Variants in NPHP4 observed in about 807,000 individuals in gnomAD.
The protein encoded by NPHP4 is nephrocystin 4.
In NPHP4, 151 loss-of-function variants were observed where a neutral mutation model predicts 155.8. The observed-to-expected ratio is 0.97, with a 90% CI of 0.85 to 1.11. The LOEUF (loss-of-function observed/expected upper bound fraction) is 1.11, where lower values mean the gene tolerates loss of function less well. Ranked by LOEUF, NPHP4 falls within the 50% of genes least tolerant of loss-of-function variation. NPHP4 has a pLI of 0.00. For synonymous variants in NPHP4, 845 were observed against 816.8 expected, an observed-to-expected ratio of 1.03 and a Z score of -0.59; for missense variants, 1,956 against 1,925.7, an observed-to-expected ratio of 1.02 and a Z score of -0.29.
chr1:5,963,195 G>A (rs900963535), intron 5 of NPHP4, among the ~76,000 whole-genome samples: 1 of 152,250 alleles, frequency 6.6e-6, no homozygotes. Context: ...AGGAGTTTGA[G>A]ACCAGCCTGA....
chr1:5,956,067 G>T (rs947160783), intron 6 of NPHP4, among the ~76,000 whole-genome samples: 18 of 149,990 alleles, frequency 1.2e-4, no homozygotes, highest in African/African-American at 3.4e-4. Context: ...GCTGGGGGGG[G>T]GGGGTGCAGG....
chr1:5,914,464 G>A (rs1645359946), intron 11 of NPHP4, among the ~76,000 whole-genome samples: 1 of 152,036 alleles, frequency 6.6e-6, no homozygotes, highest in Non-Finnish European at 1.5e-5. Flanking sequence ...CTACACAAGG[G>A]AGTCCCGGCA....
At position 5,904,691 on chromosome 1, in the gene NPHP4, TC is replaced by T. The variant is rs1278311947; in HGVS notation, c.2068del (p.Glu690ArgfsTer10). 2 of 1,614,022 alleles carry T rather than the reference TC, an allele frequency of 1.2e-6. No homozygotes were observed. The highest frequency in any genetic ancestry group is 8.5e-7 in the Non-Finnish European group (1 of 1,179,876). ...TPRLQLVQLD[E>X]AGQPSSGALT... is the part of the protein sequence containing the mutation. ...GGCGCCAGAGCTGGGCTGGCCGGCCTCATCCAGCTGGACCAGCTGCAGTCGT... is the reference window on the plus strand; with the variant it reads ...GGCGCCAGAGCTGGGCTGGCCGGCCTATCCAGCTGGACCAGCTGCAGTCGT... On this transcript the variant is annotated frameshift_variant, in exon 16 of 30. Coordinates refer to ENST00000378156, the MANE Select transcript of NPHP4 (RefSeq NM_015102.5). LOFTEE classifies it high-confidence loss of function.
At chr1:5,864,935 C>G in intron 27 of NPHP4, 167 bp downstream of exon 27, 1 of 649,724 alleles carries the variant, frequency 1.5e-6, no homozygotes, top group Non-Finnish European at 2.7e-6. Context: ...AATGGCACAT[C>G]TAACGAAAGG....
chr1:5,865,479 G>A (rs1641123913), intron 26 of NPHP4: 3 of 486,000 alleles, frequency 6.2e-6, no homozygotes, highest in South Asian at 9.0e-5. Flanking sequence ...AGGGCCTGGT[G>A]GCTCCACCCC....
In NPHP4 at chr1:5,948,155, C is replaced by A; in HGVS notation, c.907G>T (p.Val303Phe). The part of the protein sequence containing the change: ...NGLGFVQRPQ[V>F]VVLVPEMDVA... ...TCCATCTCAGGCACCAGTACAACGA[C>A]CTGCGGCCTCTGCACGAAGCCCAGA... is the stretch of plus-strand genomic sequence containing the variant. The change falls in exon 8 of 30, where the codon GTC (valine) becomes TTC (phenylalanine). Residue 303 changes from valine (V) to phenylalanine (F), a missense_variant. By Grantham distance (50) the Val-to-Phe change is conservative. Transcript: ENST00000378156. 2.5e-6 allele frequency: 4 copies of A among 1,613,586 alleles called. No individual in the cohort carries two copies. The South Asian group carries it at 3.3e-5, about 13-fold the overall frequency.
intron 11 of NPHP4, among the ~76,000 whole-genome samples, chr1:5,911,305 A>T (rs1645167438): frequency 6.6e-6 from 1 of 152,194 alleles, no homozygotes; most frequent in Non-Finnish European, 1.5e-5. Flanking sequence ...ATGACACAGC[A>T]GAGTGGTAAG....
At position 5,882,246 on chromosome 1, in the gene NPHP4, C is replaced by A; in HGVS notation, c.2486-2007G>T. 7.6e-6 allele frequency: 1 copy of A among 130,864 alleles called. No individual in the cohort carries two copies. Among genetic ancestry groups the A allele is most frequent in the African/African-American group, 2.9e-5 (1 of 34,754 alleles). 8.1% of individuals were successfully genotyped at this position (130,864 alleles called of 1,614,324 possible). ...CTTACCCAGCCATCTCTCAGTGGCG[C>A]GCTTACCCAGCCATCTCTCAGTGGC... On this transcript the variant is annotated intron_variant, in intron 18 of 29. Coordinates refer to ENST00000378156, the MANE Select transcript of NPHP4 (RefSeq NM_015102.5). The surrounding 1 kb of genome is among the most constrained non-coding windows in gnomAD (Gnocchi z 5.1).
Position 5,864,154 on chromosome 1 carries a change from C to G in NPHP4, c.3997-121G>C, listed in dbSNP as rs148686259. ...CACGGGGACCCCCACAGAGATAAGACAGACGCTCTCTGGAGCTTCCATCCG... is the reference window on the plus strand; with the variant it reads ...CACGGGGACCCCCACAGAGATAAGAGAGACGCTCTCTGGAGCTTCCATCCG... On this transcript the variant is annotated intron_variant, in intron 28 of 29. Transcript: ENST00000378156. 3.2e-4 allele frequency: 390 copies of G among 1,229,984 alleles called. No individual in the cohort carries two copies. The African/African-American group carries it at 5.0e-3, about 16-fold the overall frequency. 76.2% of individuals were successfully genotyped at this position (1,229,984 alleles called of 1,614,324 possible). A position where few individuals can be genotyped will look rare whatever the true frequency, so the allele number is the denominator to read the frequency against.
intron 11 of NPHP4, among the ~76,000 whole-genome samples, chr1:5,915,677 G>A (rs1645434809): frequency 6.6e-6 from 1 of 152,154 alleles, no homozygotes; most frequent in Non-Finnish European, 1.5e-5. Context: ...GCCGAGTGGG[G>A]AGTTCCGTGA....
In NPHP4 at chr1:5,874,924, G is replaced by T. The variant is rs547052938; in HGVS notation, c.2994C>A (p.Pro998=). Residue 998 remains proline (P), a synonymous_variant, in exon 21 of 30, where the codon CCC becomes CCA. Coordinates refer to ENST00000378156, the MANE Select transcript of NPHP4 (RefSeq NM_015102.5). Reference sequence around the variant, plus strand: ...CAGTCACCGTGTGCTGTGTGTTGTGGGGGTTCTTAAGCACAAACTCAAAGA... The same window carrying T: ...CAGTCACCGTGTGCTGTGTGTTGTGTGGGTTCTTAAGCACAAACTCAAAGA... ...AEFFEFVLKN[P]HNTQHTVTVE... is the part of the protein sequence containing the mutation. 1.2e-6 allele frequency: 2 copies of T among 1,613,790 alleles called. No individual in the cohort carries two copies. The highest frequency in any genetic ancestry group is 2.7e-5 in the African/African-American group (2 of 75,024).
intron 5 of NPHP4, among the ~76,000 whole-genome samples, chr1:5,962,450 G>A (rs976596680): frequency 6.6e-6 from 1 of 152,148 alleles, no homozygotes; most frequent in Non-Finnish European, 1.5e-5. Context: ...CCCAGGTCTC[G>A]CTGGTCCCTG....
chr1:5,909,102 AG>A (rs1161671434), intron 12 of NPHP4, 49 bp downstream of exon 12: 1 of 1,425,186 alleles, frequency 7.0e-7, no homozygotes, highest in African/African-American at 1.4e-5. Context: ...TTTTCTTGCA[AG>A]TAATTGACTC....
At chr1:5,950,913 C>T (rs575426301) in intron 7 of NPHP4, among the ~76,000 whole-genome samples, 1 of 152,228 alleles carries the variant, frequency 6.6e-6, no homozygotes, top group Non-Finnish European at 1.5e-5. Flanking sequence ...TGCCCTCACA[C>T]GGACGACCAT....
At chr1:5,908,872 C>T (rs1557709284) in intron 12 of NPHP4, among the ~76,000 whole-genome samples, 1 of 152,180 alleles carries the variant, frequency 6.6e-6, no homozygotes, top group Non-Finnish European at 1.5e-5. Context: ...TGAGAGTTGC[C>T]ACCATGAGAT....
chr1:5,960,068 A>T (rs1459857949), intron 6 of NPHP4, among the ~76,000 whole-genome samples: 1 of 152,226 alleles, frequency 6.6e-6, no homozygotes, highest in Non-Finnish European at 1.5e-5. Flanking sequence ...AGAGCCAGAC[A>T]CAGGTTTTCA....
chr1:5,964,941 A>ATATATATATATATATTTTTTT, intron 5 of NPHP4, among the ~76,000 whole-genome samples: 2 of 59,410 alleles, frequency 3.4e-5, no homozygotes, highest in Non-Finnish European at 2.9e-5. Context: ...ATATATATAT[A>ATATATATATATATATTTTTTT]TTTTTTTTTT....
rs528644792 is a variant in NPHP4 at position 5,889,506 on chromosome 1, C to T, written c.2304+1362G>A. Among the ~76,000 whole-genome samples the T allele has an allele frequency of 1.3e-5, 2 of 151,970 alleles. No homozygotes were observed. The highest frequency in any genetic ancestry group is 4.2e-4 in the South Asian group (2 of 4,802). On this transcript the variant is annotated intron_variant, in intron 17 of 29. Transcript: ENST00000378156. The surrounding 1 kb of genome is among the most constrained non-coding windows in gnomAD (Gnocchi z 4.2). ...GGGGGAGATCAAATGGCTTCCGTCTCCAGGTGGCACAGCAAAGAGGGGGCA... is the reference window on the plus strand; with the variant it reads ...GGGGGAGATCAAATGGCTTCCGTCTTCAGGTGGCACAGCAAAGAGGGGGCA...
At position 5,968,431 on chromosome 1, in the gene NPHP4, G is replaced by A. The variant is rs538061907; in HGVS notation, c.452+656C>T. On this transcript the variant is annotated intron_variant, in intron 4 of 29. Coordinates refer to ENST00000378156, the MANE Select transcript of NPHP4 (RefSeq NM_015102.5). ...AGCCTGGGCAACATAGGGAGATCCCGTCTCTACTAAAAACACAAAAATTAG... is the reference window on the plus strand; with the variant it reads ...AGCCTGGGCAACATAGGGAGATCCCATCTCTACTAAAAACACAAAAATTAG... 8.5e-5 allele frequency among the ~76,000 whole-genome samples: 13 copies of A among 152,106 alleles called. No individual in the cohort carries two copies. In the East Asian group the frequency reaches 2.3e-3, roughly 27 times the overall value.
Sources: allele counts gnomAD v4.1 joint callset (sites outside exome capture counted in the v4.1 genomes callset), GRCh38; gene constraint gnomAD v4.1.1; non-coding constraint Gnocchi (gnomAD v3.1); transcripts MANE v1.5; gene names NCBI Gene and HGNC (gene_info 2026-07-23, HGNC 2026-07-21).